Variants in PPP6R1 observed in about 807,000 individuals in gnomAD.
PPP6R1 encodes protein phosphatase 6 regulatory subunit 1, also known as serine/threonine-protein phosphatase 6 regulatory subunit 1.
Under a neutral mutation model 104.6 loss-of-function variants are expected in PPP6R1, and 39 were observed. That is an observed-to-expected ratio of 0.37 (90% CI 0.29 to 0.49). PPP6R1 has a LOEUF of 0.49. Ranked by LOEUF, PPP6R1 falls within the 20% of genes least tolerant of loss-of-function variation. The pLI, the probability that PPP6R1 is intolerant of heterozygous loss-of-function variation, is 0.98. For synonymous variants in PPP6R1, 549 were observed against 479.0 expected (o/e 1.15, Z -1.91); for missense variants, 1,181 against 1,155.8 (o/e 1.02, Z -0.32).
Position 55,231,807 on chromosome 19 carries a change from C to G in PPP6R1, c.2301G>C (p.Gln767His), listed in dbSNP as rs1322624353. ...LASPPARDAL[Q>H]LRSQDPTPPS... ...CCGTTCCATCCGGTTCTCACCTGAG[C>G]TGCAGGGCGTCACGGGCAGGAGGGC... Residue 767 changes from glutamine (Q) to histidine (H), a missense_variant, in exon 19 of 24, where the codon CAG (glutamine) becomes CAC (histidine). By Grantham distance (24) the Gln-to-His change is conservative. Transcript: ENST00000412770. The G allele has an allele frequency of 2.0e-6, 3 of 1,500,698 alleles. No individual in the cohort carries two copies. The highest frequency in any genetic ancestry group is 2.7e-6 in the Non-Finnish European group (3 of 1,126,114). 93.0% of individuals were successfully genotyped at this position (1,500,698 alleles called of 1,614,324 possible).
intron 20 of PPP6R1, 40 bp downstream of exon 20, chr19:55,231,558 T>G (rs749993692): frequency 6.2e-7 from 1 of 1,601,318 alleles, no homozygotes; most frequent in East Asian, 2.2e-5. Flanking sequence ...CTGCTCTCTC[T>G]GCCCAGGGCC....
In PPP6R1 at chr19:55,230,445, G is replaced by T; in HGVS notation, c.*83C>A. 6.3e-7 allele frequency: 1 copy of T among 1,578,766 alleles called. No individual in the cohort carries two copies. Among genetic ancestry groups the T allele is most frequent in the Non-Finnish European group, 8.7e-7 (1 of 1,154,710 alleles). On this transcript the variant is annotated 3_prime_UTR_variant, in exon 24 of 24. Transcript: ENST00000412770. ...TGTCAGGGTGATGAGGGCAATGGGG[G>T]CCATCGTGGGACCCGCCCTGCCCCC... is the stretch of plus-strand genomic sequence containing the variant.
chr19:55,244,918 C>T (rs1236622220), intron 5 of PPP6R1, among the ~76,000 whole-genome samples: 16 of 152,100 alleles, frequency 1.1e-4, no homozygotes, highest in Admixed American at 9.2e-4. Flanking sequence ...TAAGTTTTTA[C>T]GTAGAGACGG....
At chr19:55,247,138 G>A (rs923029304) in intron 1 of PPP6R1, 29 bp from the exon 2 acceptor site, 52 of 1,600,564 alleles carry the variant, frequency 3.2e-5, no homozygotes, top group Non-Finnish European at 4.3e-5. Context: ...CCAGCGCCGC[G>A]TCAGACGCCC....
At chr19:55,239,324 G>T in intron 15 of PPP6R1, 81 bp downstream of exon 15, 9 of 1,363,776 alleles carry the variant, frequency 6.6e-6, no homozygotes, top group Non-Finnish European at 9.2e-6. Context: ...ATGTAGGTGC[G>T]TGCAGGGGAC....
intron 17 of PPP6R1, among the ~76,000 whole-genome samples, chr19:55,234,830 T>A (rs530686544): frequency 3.5e-4 from 53 of 152,152 alleles, no homozygotes; most frequent in Admixed American, 9.8e-4. Flanking sequence ...GCAACAGAGG[T>A]CAGACATAAA....
At chr19:55,256,153 C>CAA (rs1399651791) in intron 1 of PPP6R1, among the ~76,000 whole-genome samples, 1 of 152,214 alleles carries the variant, frequency 6.6e-6, no homozygotes, top group Admixed American at 6.5e-5. Context: ...GATGAACCAA[C>CAA]AAAAGCTAAT....
At chr19:55,240,726 T>A (rs1009884995) in intron 10 of PPP6R1, among the ~76,000 whole-genome samples, 2 of 152,148 alleles carry the variant, frequency 1.3e-5, no homozygotes, top group East Asian at 3.9e-4. Flanking sequence ...CGCCCACCCC[T>A]AGCTCTTCAG....
downstream of PPP6R1, chr19:55,228,655 C>T (rs747811275): frequency 1.3e-6 from 2 of 1,595,536 alleles, no homozygotes; most frequent in South Asian, 1.1e-5. Flanking sequence ...AGGGCCCTGT[C>T]CCCCCAGCCC....
chr19:55,236,798 T>C lies in PPP6R1; in HGVS notation c.1833A>G (p.Ile611Met), dbSNP rs777096400. The C allele has an allele frequency of 1.2e-6, 2 of 1,613,940 alleles. No homozygotes were observed. The highest frequency in any genetic ancestry group is 1.7e-6 in the Non-Finnish European group (2 of 1,179,842). Residue 611 changes from isoleucine to methionine, a missense_variant, in exon 17 of 24, where the codon ATA (isoleucine) becomes ATG (methionine). Ile to Met is a conservative substitution (Grantham distance 10). Transcript: ENST00000412770. The stretch of plus-strand genomic sequence containing the variant: ...ACTGCTGGATGCGGTCCTTGTAGCA[T>C]ATCTCAAGTAGGTTGGCGTTGGGCT... ...DENPNANLLE[I>M]CYKDRIQQFD...
chr19:55,245,751 C>A lies in PPP6R1; in HGVS notation c.228-73G>T. The A allele has an allele frequency of 8.0e-7, 1 of 1,248,646 alleles. No homozygotes were observed. Among genetic ancestry groups the A allele is most frequent in the Non-Finnish European group, 1.1e-6 (1 of 893,382 alleles). 77.3% of individuals were successfully genotyped at this position (1,248,646 alleles called of 1,614,324 possible). ...GCAGGGGGCGGCAAGGCTCCACCCT[C>A]TTCTCTGCACCGGGCACTGGGTTTC... On this transcript the variant is annotated intron_variant, in intron 2 of 23. Transcript: ENST00000412770. The surrounding 1 kb of genome is among the most constrained non-coding windows in gnomAD (Gnocchi z 6.4).
intron 10 of PPP6R1, 138 bp from the exon 11 acceptor site, chr19:55,240,438 G>A (rs545293034): frequency 1.2e-6 from 1 of 835,976 alleles, no homozygotes; most frequent in South Asian, 1.6e-5. Context: ...TGGGAAGGAG[G>A]GATGCAAGCT....
chr19:55,240,340 T>G (rs1370582846), intron 10 of PPP6R1, 40 bp from the exon 11 acceptor site: 1 of 1,555,162 alleles, frequency 6.4e-7, no homozygotes, highest in Admixed American at 1.9e-5. Flanking sequence ...AGGGGTGGTC[T>G]GCACACATGT....
At chr19:55,234,634 T>C (rs1182517447) in intron 17 of PPP6R1, among the ~76,000 whole-genome samples, 1 of 151,364 alleles carries the variant, frequency 6.6e-6, no homozygotes, top group African/African-American at 2.5e-5. Context: ...TGCAAGGGTA[T>C]TCACAGCGGC....
intron 2 of PPP6R1, among the ~76,000 whole-genome samples, chr19:55,246,635 C>T (rs1334277718): frequency 6.6e-6 from 1 of 152,180 alleles, no homozygotes; most frequent in Non-Finnish European, 1.5e-5. Flanking sequence ...TCACCTGGGC[C>T]CGTGAATTTG....
At chr19:55,228,381 G>C (rs762514854), downstream of PPP6R1, 1 of 1,613,938 alleles carries the variant, frequency 6.2e-7, no homozygotes, top group South Asian at 1.1e-5. Context: ...TCCAGAGGCA[G>C]AAGTACACGC....
chr19:55,256,412 G>A (rs2087593860), intron 1 of PPP6R1, among the ~76,000 whole-genome samples: 1 of 152,224 alleles, frequency 6.6e-6, no homozygotes, highest in East Asian at 1.9e-4. Flanking sequence ...ATTCCCCCCA[G>A]TTGTAACAAC....
chr19:55,243,291 T>C (rs1299446326), intron 5 of PPP6R1, among the ~76,000 whole-genome samples: 3 of 150,888 alleles, frequency 2.0e-5, no homozygotes, highest in Non-Finnish European at 2.9e-5. Flanking sequence ...TAGGCGCCTG[T>C]AGTCCCAGCT....
rs1420087174 is a variant in PPP6R1 at position 55,245,880 on chromosome 19, A to T, written c.228-202T>A. ...GCCTCCTCCACCCTGCTAACACCCA[A>T]CCATCCCATCCTAGGCTCCTTACCA... On this transcript the variant is annotated intron_variant, in intron 2 of 23. Transcript: ENST00000412770. The surrounding 1 kb of genome is among the most constrained non-coding windows in gnomAD (Gnocchi z 6.4). 1.3e-5 allele frequency among the ~76,000 whole-genome samples: 2 copies of T among 152,016 alleles called. No individual in the cohort carries two copies. Among genetic ancestry groups the T allele is most frequent in the Non-Finnish European group, 2.9e-5 (2 of 67,974 alleles).
Sources: gnomAD v4.1 joint callset for allele counts (sites outside exome capture counted in the v4.1 genomes callset) on GRCh38, gnomAD v4.1.1 for gene constraint, Gnocchi (gnomAD v3.1) non-coding constraint, MANE v1.5 for transcripts, NCBI Gene and HGNC (gene_info 2026-07-23, HGNC 2026-07-21) for gene names.